The following PPFIA2 variants were observed in gnomAD, a reference collection of about 807,000 sequenced individuals.
PPFIA2 encodes liprin-alpha-2.
In PPFIA2, 46 loss-of-function variants were observed where a neutral mutation model predicts 175.5. The observed-to-expected ratio is 0.26, with a 90% CI of 0.21 to 0.34. The LOEUF (loss-of-function observed/expected upper bound fraction) is 0.34. Ranked by LOEUF, PPFIA2 falls within the 10% of genes least tolerant of loss-of-function variation. The pLI, the probability that PPFIA2 is intolerant of heterozygous loss-of-function variation, is 1.00. For missense variants in PPFIA2, 1,179 were observed against 1,506.1 expected, an observed-to-expected ratio of 0.78 and a Z score of 3.60; for synonymous variants, 568 against 511.4, an observed-to-expected ratio of 1.11 and a Z score of -1.49.
intron 3 of PPFIA2, among the ~76,000 whole-genome samples, chr12:81,732,653 A>G (rs2081072345): frequency 6.6e-6 from 1 of 151,554 alleles, no homozygotes; most frequent in African/African-American, 2.4e-5. Flanking sequence ...GCAAAATAAT[A>G]TCAAGGAAGG....
At chr12:81,706,256 T>A (rs2077123102) in intron 3 of PPFIA2, among the ~76,000 whole-genome samples, 1 of 152,196 alleles carries the variant, frequency 6.6e-6, no homozygotes, top group Admixed American at 6.5e-5. Flanking sequence ...TTTAACACTA[T>A]GTACTGCATA....
chr12:81,511,676 G>A (rs2061816452), intron 4 of PPFIA2, among the ~76,000 whole-genome samples: 1 of 151,968 alleles, frequency 6.6e-6, no homozygotes. Context: ...TCAGTATATG[G>A]AACATAATCA....
chr12:81,581,668 T>C (rs10778817), intron 4 of PPFIA2, among the ~76,000 whole-genome samples: 111,961 of 151,616 alleles, frequency 0.74, 41,519 homozygotes, highest in East Asian at 0.86. Flanking sequence ...CCGTAATTTA[T>C]CCAGTAACTA....
chr12:81,749,364 T>G (rs2083453157), intron 3 of PPFIA2, among the ~76,000 whole-genome samples: 1 of 143,698 alleles, frequency 7.0e-6, no homozygotes, highest in Non-Finnish European at 1.6e-5. Flanking sequence ...GAGCCAAACT[T>G]TTTTCCCCAT....
intron 7 of PPFIA2, among the ~76,000 whole-genome samples, chr12:81,409,448 G>C (rs771856768): frequency 6.6e-5 from 10 of 152,042 alleles, no homozygotes; most frequent in Non-Finnish European, 1.2e-4. Context: ...TCTCTGGAGT[G>C]GGTTATTTAT....
intron 4 of PPFIA2, among the ~76,000 whole-genome samples, chr12:81,651,549 C>T (rs1267331326): frequency 2.6e-5 from 4 of 152,114 alleles, no homozygotes; most frequent in Admixed American, 1.3e-4. Context: ...CTCTTTCCCT[C>T]AAGGTCAGCT....
intron 6 of PPFIA2, among the ~76,000 whole-genome samples, chr12:81,441,653 G>C (rs1300134330): frequency 6.6e-6 from 1 of 152,078 alleles, no homozygotes; most frequent in African/African-American, 2.4e-5. Flanking sequence ...ACATGAAAAA[G>C]AAGCAAATAT....
intron 4 of PPFIA2, among the ~76,000 whole-genome samples, chr12:81,496,644 T>A (rs1408878914): frequency 1.3e-5 from 2 of 152,210 alleles, no homozygotes; most frequent in East Asian, 1.9e-4. Context: ...ACTTTCTGCA[T>A]ACTCTGTCAG....
intron 4 of PPFIA2, among the ~76,000 whole-genome samples, chr12:81,474,811 AC>A (rs1425484076): frequency 1.3e-5 from 2 of 152,116 alleles, no homozygotes; most frequent in African/African-American, 4.8e-5. Context: ...CTTCTAATGA[AC>A]TATAAGTTTG....
chr12:81,732,531 ACT>A (rs1316102240), intron 3 of PPFIA2, among the ~76,000 whole-genome samples: 1 of 145,628 alleles, frequency 6.9e-6, no homozygotes, highest in Non-Finnish European at 1.5e-5. Flanking sequence ...AAAAAAAAAC[ACT>A]CACACACACA....
rs148879951 is a variant in PPFIA2, at chr12:81,716,398, T to TATAGTCTAA, written c.249+37566_249+37574dup. Among the ~76,000 whole-genome samples, 1,119 of 151,874 alleles carry TATAGTCTAA rather than the reference T, an allele frequency of 7.4e-3. 21 individuals are homozygous for TATAGTCTAA. The highest frequency in any genetic ancestry group is 0.026 in the African/African-American group (1,066 of 41,468). Reference sequence around the variant, plus strand: ...CTCATGCTTTTCAACTCTTTAGAACTATAGTCTAAATACTGAGATAGTAAA... The same window carrying TATAGTCTAA: ...CTCATGCTTTTCAACTCTTTAGAACTATAGTCTAAATAGTCTAAATACTGAGATAGTAAA... On this transcript the variant is annotated intron_variant, in intron 3 of 32. Transcript: ENST00000549396.
intron 3 of PPFIA2, among the ~76,000 whole-genome samples, chr12:81,692,575 T>A (rs1365730833): frequency 6.6e-6 from 1 of 152,114 alleles, no homozygotes; most frequent in Admixed American, 6.6e-5. Context: ...TTTAGACCAA[T>A]GAATCCATAA....
intron 2 of PPFIA2, among the ~76,000 whole-genome samples, chr12:81,757,495 A>G (rs1199866832): frequency 2.0e-5 from 3 of 152,212 alleles, no homozygotes; most frequent in African/African-American, 7.2e-5. Flanking sequence ...CTAGTCAGAG[A>G]CATTGTTAAT....
chr12:81,745,891 C>T (rs1352691221), intron 3 of PPFIA2, among the ~76,000 whole-genome samples: 2 of 152,214 alleles, frequency 1.3e-5, no homozygotes, highest in Non-Finnish European at 2.9e-5. Flanking sequence ...CTAAGGTGAG[C>T]AGGAACTGCT....
chr12:81,272,251 G>A (rs1323687532), intron 28 of PPFIA2, among the ~76,000 whole-genome samples: 1 of 151,772 alleles, frequency 6.6e-6, no homozygotes, highest in Non-Finnish European at 1.5e-5. Context: ...AGAACCTTGA[G>A]TCTGTGGTTT....
Position 81,738,340 on chromosome 12 carries a change from G to A in PPFIA2, c.249+15633C>T, listed in dbSNP as rs185878674. On this transcript the variant is annotated intron_variant, in intron 3 of 32. Coordinates refer to ENST00000549396, the MANE Select transcript of PPFIA2 (RefSeq NM_003625.5). Reference sequence around the variant, plus strand: ...CCAGAAAAATTACTCATCTGCAGACGTACAGTAAAAGAAATATTCAAGTTT... The same window carrying A: ...CCAGAAAAATTACTCATCTGCAGACATACAGTAAAAGAAATATTCAAGTTT... Among the ~76,000 whole-genome samples the A allele has an allele frequency of 1.8e-4, 27 of 151,818 alleles. No individual in the cohort carries two copies. In the South Asian group the frequency reaches 4.4e-3, roughly 25 times the overall value.
At chr12:81,435,786 G>A (rs2048877222) in intron 7 of PPFIA2, among the ~76,000 whole-genome samples, 1 of 151,694 alleles carries the variant, frequency 6.6e-6, no homozygotes, top group African/African-American at 2.4e-5. Flanking sequence ...TCTGAATTTG[G>A]GAATTGAATT....
intron 4 of PPFIA2, among the ~76,000 whole-genome samples, chr12:81,623,593 T>C (rs2062328693): frequency 6.6e-6 from 1 of 152,022 alleles, no homozygotes; most frequent in African/African-American, 2.4e-5. Context: ...CCGCTTCCTT[T>C]TTTCAAAGCA....
At chr12:81,676,674 C>T (rs2072570749) in intron 4 of PPFIA2, 117 bp downstream of exon 4, 2 of 580,280 alleles carry the variant, frequency 3.4e-6, no homozygotes, top group Non-Finnish European at 5.4e-6. Context: ...TCTATAATAG[C>T]TGTATTTATA....
Sources: allele counts gnomAD v4.1 joint callset (sites outside exome capture counted in the v4.1 genomes callset), GRCh38; gene constraint gnomAD v4.1.1; transcripts MANE v1.5; gene names NCBI Gene and HGNC (gene_info 2026-07-23, HGNC 2026-07-21).